The following IGSF10 variants were observed in gnomAD, a reference collection of about 807,000 sequenced individuals.
IGSF10 encodes the protein immunoglobulin superfamily member 10, also known as calvaria mechanical force protein 608.
In IGSF10, 126 loss-of-function variants were observed where a neutral mutation model predicts 128.2. The observed-to-expected ratio is 0.98, with a 90% CI of 0.85 to 1.14. The LOEUF (loss-of-function observed/expected upper bound fraction) is 1.14. Among genes scored for constraint, IGSF10 ranks in the 50% most tolerant of loss-of-function variants. The pLI is 0.00. For synonymous variants in IGSF10, 1,185 were observed against 1,146.2 expected (o/e 1.03, Z -0.68); for missense variants, 3,295 against 3,149.8 (o/e 1.05, Z -1.10).
At chr3:151,499,240 A>G in the IGSF10 span, among the ~76,000 whole-genome samples, 1 of 152,138 alleles carries the variant, frequency 6.6e-6, no homozygotes, top group Admixed American at 6.6e-5. Context: ...TGACTAAAAA[A>G]GTCTTGCCAG....
chr3:151,491,433 C>T, the IGSF10 span, among the ~76,000 whole-genome samples: 1 of 151,982 alleles, frequency 6.6e-6, no homozygotes, highest in Non-Finnish European at 1.5e-5. Context: ...AAAAAATTAG[C>T]CAGGTGTGGT....
the IGSF10 span, among the ~76,000 whole-genome samples, chr3:151,528,793 T>G: frequency 1.1e-4 from 12 of 109,018 alleles, no homozygotes; most frequent in Admixed American, 9.5e-4. Flanking sequence ...CTGAGCTAGC[T>G]GCAGGAGTTT....
chr3:151,514,472 A>AGAT, the IGSF10 span, among the ~76,000 whole-genome samples: 36 of 149,702 alleles, frequency 2.4e-4, no homozygotes, highest in Non-Finnish European at 4.2e-4. Context: ...AATTAATTCA[A>AGAT]GGATTAAAGA....
At chr3:151,501,726 T>C in the IGSF10 span, among the ~76,000 whole-genome samples, 2 of 152,074 alleles carry the variant, frequency 1.3e-5, no homozygotes, top group African/African-American at 4.8e-5. Context: ...TCAGAAATGA[T>C]TAAGAGTCTT....
the IGSF10 span, among the ~76,000 whole-genome samples, chr3:151,479,111 G>A: frequency 1.3e-5 from 2 of 152,124 alleles, no homozygotes; most frequent in Admixed American, 6.5e-5. Flanking sequence ...CTGTAGTCTA[G>A]GTCAAAGAAA....
At position 151,445,338 on chromosome 3, in the gene IGSF10, T is replaced by G. The variant is rs530072117; in HGVS notation, c.4643A>C (p.His1548Pro). Residue 1548 changes from histidine (H) to proline (P), a missense_variant, in exon 6 of 8, where the codon CAT becomes CCT. His to Pro is a moderately conservative substitution (Grantham distance 77, BLOSUM62 -2). Coordinates refer to ENST00000282466, the MANE Select transcript of IGSF10 (RefSeq NM_178822.5). ...TGTTAGTGCTGGCATGGGAGTAGAA[T>G]GTAACAGATTAGAGTAGATGAAGTG... ...TTHFIYSNLL[H>P]STPMPALTTV... 102 of 1,614,108 alleles carry G rather than the reference T, an allele frequency of 6.3e-5. No homozygotes were observed. Among genetic ancestry groups the G allele is most frequent in the Non-Finnish European group, 8.4e-5 (99 of 1,180,040 alleles).
chr3:151,512,513 A>G, the IGSF10 span, among the ~76,000 whole-genome samples: 32 of 152,324 alleles, frequency 2.1e-4, no homozygotes, highest in African/African-American at 7.7e-4. Flanking sequence ...GAAAGCAGGA[A>G]AGATCTAAAA....
the IGSF10 span, among the ~76,000 whole-genome samples, chr3:151,474,772 G>A: frequency 7.6e-4 from 115 of 152,306 alleles, no homozygotes; most frequent in Non-Finnish European, 1.3e-3. Context: ...TCACAATCAT[G>A]GCAGAAGGCA....
chr3:151,448,212 G>C lies in IGSF10; in HGVS notation c.1769C>G (p.Thr590Arg). The change falls in exon 6 of 8, where the codon ACA (threonine) becomes AGA (arginine). Residue 590 changes from threonine to arginine, a missense_variant. By Grantham distance (71) the Thr-to-Arg change is moderately conservative. Transcript: ENST00000282466. ...AGTAGAATGGCATGGAAGATCAAGT[G>C]TTTCACCAATGAAAACTGTGTGATG... Reference protein sequence around the residue: ...GIHHTVFIGETLDLPCHSTGI... With the variant: ...GIHHTVFIGERLDLPCHSTGI... 2.5e-6 allele frequency: 4 copies of C among 1,614,178 alleles called. No homozygotes were observed. Among genetic ancestry groups the C allele is most frequent in the Non-Finnish European group, 3.4e-6 (4 of 1,180,008 alleles).
At chr3:151,512,634 G>C in the IGSF10 span, among the ~76,000 whole-genome samples, 7 of 152,020 alleles carry the variant, frequency 4.6e-5, no homozygotes, top group Non-Finnish European at 8.8e-5. Flanking sequence ...GAAGGAAATA[G>C]AGACACAAAA....
chr3:151,496,556 G>GTGTATATGTGCCCCA, the IGSF10 span, among the ~76,000 whole-genome samples: 1 of 34,908 alleles, frequency 2.9e-5, no homozygotes, highest in Admixed American at 3.0e-4. Context: ...GTATTCCATG[G>GTGTATATGTGCCCCA]TTTCCTTAAT....
At chr3:151,517,729 T>A in the IGSF10 span, among the ~76,000 whole-genome samples, 6 of 151,960 alleles carry the variant, frequency 3.9e-5, no homozygotes, top group Non-Finnish European at 8.8e-5. Context: ...TGGAATGAGC[T>A]CTTGCACTAA....
chr3:151,493,517 C>A, the IGSF10 span, among the ~76,000 whole-genome samples: 1 of 152,098 alleles, frequency 6.6e-6, no homozygotes, highest in Non-Finnish European at 1.5e-5. Flanking sequence ...TTCAGATACA[C>A]AAATACTTAC....
Position 151,445,755 on chromosome 3 carries a change from CT to C in IGSF10, c.4225del (p.Ser1409ValfsTer9). The C allele has an allele frequency of 6.2e-7, 1 of 1,614,210 alleles. No individual in the cohort carries two copies. On this transcript the variant is annotated frameshift_variant, in exon 6 of 8. Transcript: ENST00000282466. LOFTEE classifies it high-confidence loss of function. ...ENTTGISSTI[S>X]FHSRTLNLTD... ...CAGATTAAGAGTTCTTGAATGAAAA[CT>C]GATTGTGCTTGAAATCCCAGTTGTG...
At chr3:151,492,977 T>C in the IGSF10 span, among the ~76,000 whole-genome samples, 1 of 152,140 alleles carries the variant, frequency 6.6e-6, no homozygotes, top group Non-Finnish European at 1.5e-5. Flanking sequence ...AAAGAAATAT[T>C]AATCAGCCAT....
In IGSF10 at chr3:151,438,107, T is replaced by C. The variant is rs762573639; in HGVS notation, c.6454A>G (p.Arg2152Gly). ...ACAGCTGTGTCTCCAGCTTTGATTC[T>C]CTTGTTGGTTTTGTTACTCTGCCTT... The part of the protein sequence containing the change: ...RIRQSNKTNK[R>G]IKAGDTAVLD... Residue 2152 changes from arginine (R) to glycine (G), a missense_variant, in exon 8 of 8, where the codon AGA becomes GGA. Transcript: ENST00000282466. The C allele has an allele frequency of 4.3e-6, 7 of 1,614,092 alleles. No individual in the cohort carries two copies. Among genetic ancestry groups the C allele is most frequent in the Admixed American group, 1.7e-5 (1 of 60,002 alleles).
the IGSF10 span, among the ~76,000 whole-genome samples, chr3:151,578,201 A>G: frequency 1.3e-5 from 2 of 152,224 alleles, no homozygotes; most frequent in Admixed American, 1.3e-4. Context: ...GAAATTACCT[A>G]AATTTTTAAT....
At chr3:151,616,970 A>C in the IGSF10 span, among the ~76,000 whole-genome samples, 49 of 152,312 alleles carry the variant, frequency 3.2e-4, 1 homozygote, top group South Asian at 9.7e-3. Flanking sequence ...TCACATAGTG[A>C]GAAGGCAAGG....
chr3:151,458,337 T>C (rs1721898634), intron 3 of IGSF10, among the ~76,000 whole-genome samples, 179 bp downstream of exon 3: 1 of 152,052 alleles, frequency 6.6e-6, no homozygotes, highest in Non-Finnish European at 1.5e-5. Context: ...CTAATAAAAG[T>C]TTACCAGGAA....
Sources: gnomAD v4.1 joint callset for allele counts (sites outside exome capture counted in the v4.1 genomes callset) on GRCh38, gnomAD v4.1.1 for gene constraint, MANE v1.5 for transcripts, NCBI Gene and HGNC (gene_info 2026-07-23, HGNC 2026-07-21) for gene names.